Variants in CYP26B1 observed in about 807,000 individuals in gnomAD.
CYP26B1 encodes cytochrome P450 26B1.
CYP26B1 carries 8 observed loss-of-function variants against 39.1 expected under a neutral mutation model. The observed-to-expected ratio is 0.20, with a 90% CI of 0.12 to 0.37. The LOEUF (loss-of-function observed/expected upper bound fraction) is 0.37, where lower values mean the gene tolerates loss of function less well. Ranked by LOEUF, CYP26B1 falls within the 10% of genes least tolerant of loss-of-function variation. The pLI is 1.00. For missense variants in CYP26B1, 615 were observed against 707.0 expected (o/e 0.87, Z 1.48); for synonymous variants, 321 against 314.3 (o/e 1.02, Z -0.23).
rs143775993 is a variant in CYP26B1 at position 72,135,321 on chromosome 2, G to A, written c.528C>T (p.Pro176=). The A allele has an allele frequency of 2.9e-5, 46 of 1,613,904 alleles. 1 individual carries two copies. The highest frequency in any genetic ancestry group is 4.5e-5 in the East Asian group (2 of 44,898). Residue 176 remains proline, a synonymous_variant, in exon 3 of 6, where the codon CCC becomes CCT. Coordinates refer to ENST00000001146, the MANE Select transcript of CYP26B1 (RefSeq NM_019885.4). The part of the protein sequence containing the change: ...QDTLRAWSSH[P]EAINVYQEAQ... Reference sequence around the variant, plus strand: ...CCTCCTGGTACACGTTGATGGCCTCGGGGTGGCTGCTCCAGGCGCGCAGTG... The same window carrying A: ...CCTCCTGGTACACGTTGATGGCCTCAGGGTGGCTGCTCCAGGCGCGCAGTG...
chr2:72,129,400 T>C lies in CYP26B1; in HGVS notation c.*2827A>G, dbSNP rs1211097440. 6.6e-6 allele frequency: 1 copy of C among 150,454 alleles called. No homozygotes were observed. 9.3% of individuals were successfully genotyped at this position (150,454 alleles called of 1,614,324 possible). A position where few individuals can be genotyped will look rare whatever the true frequency, so the allele number is the denominator to read the frequency against. On this transcript the variant is annotated 3_prime_UTR_variant, in exon 6 of 6. Coordinates refer to ENST00000001146, the MANE Select transcript of CYP26B1 (RefSeq NM_019885.4). ...ACACTCACACGGTACCAGTTTCATA[T>C]CAAAACAAAACACACAAGTGCTTTT...
At chr2:72,137,373 G>T (rs1676807634) in intron 2 of CYP26B1, among the ~76,000 whole-genome samples, 1 of 152,228 alleles carries the variant, frequency 6.6e-6, no homozygotes, top group African/African-American at 2.4e-5. Context: ...CAGTGAGGTG[G>T]AACCAGATGG....
At position 72,131,064 on chromosome 2, in the gene CYP26B1, A is replaced by C. The variant is rs917799726; in HGVS notation, c.*1163T>G. Reference sequence around the variant, plus strand: ...GAGGCCCTTGCTCCCCGTCAGAAGAACCCGTATCCTTCCCCATACTCACGC... The same window carrying C: ...GAGGCCCTTGCTCCCCGTCAGAAGACCCCGTATCCTTCCCCATACTCACGC... On this transcript the variant is annotated 3_prime_UTR_variant, in exon 6 of 6. Coordinates refer to ENST00000001146, the MANE Select transcript of CYP26B1 (RefSeq NM_019885.4). The C allele has an allele frequency of 6.6e-6, 1 of 152,550 alleles. No individual in the cohort carries two copies. The highest frequency in any genetic ancestry group is 2.4e-5 in the African/African-American group (1 of 41,428). The allele number at this position is 152,550 out of a possible 1,614,324, so 9.4% of individuals were successfully genotyped here. A position where few individuals can be genotyped will look rare whatever the true frequency, so the allele number is the denominator to read the frequency against.
At chr2:72,132,703 G>T in intron 5 of CYP26B1, 84 bp from the exon 6 acceptor site, 1 of 1,518,842 alleles carries the variant, frequency 6.6e-7, no homozygotes, top group Non-Finnish European at 8.8e-7. Context: ...TCCCTGCTCA[G>T]CCCCAGATGT....
Position 72,135,358 on chromosome 2 carries a change from A to T in CYP26B1, c.491T>A (p.Val164Glu). 1 of 1,613,824 alleles carries T rather than the reference A, an allele frequency of 6.2e-7. No individual in the cohort carries two copies. The part of the protein sequence containing the change: ...LESYLPKIQL[V>E]IQDTLRAWSS... Reference sequence around the variant, plus strand: ...CCAGGCGCGCAGTGTGTCCTGGATCACCAGCTGGATCTTGGGCAGGTAACT... The same window carrying T: ...CCAGGCGCGCAGTGTGTCCTGGATCTCCAGCTGGATCTTGGGCAGGTAACT... The change falls in exon 3 of 6, where the codon GTG becomes GAG. Residue 164 changes from valine (V) to glutamate (E), a missense_variant. Transcript: ENST00000001146.
At chr2:72,140,208 C>T (rs1212302278) in intron 2 of CYP26B1, among the ~76,000 whole-genome samples, 3 of 152,202 alleles carry the variant, frequency 2.0e-5, no homozygotes, top group Non-Finnish European at 4.4e-5. Context: ...GACGGAAGGG[C>T]TGGCCCCTGA....
intron 2 of CYP26B1, among the ~76,000 whole-genome samples, chr2:72,140,858 C>G (rs1408142708): frequency 1.3e-5 from 2 of 152,190 alleles, no homozygotes; most frequent in African/African-American, 4.8e-5. Context: ...GGCAAGACTA[C>G]CATTCCTGAG....
intron 1 of CYP26B1, among the ~76,000 whole-genome samples, chr2:72,144,818 A>G (rs1368082070): frequency 1.3e-5 from 2 of 152,092 alleles, no homozygotes; most frequent in Admixed American, 6.5e-5. Context: ...AATAACGGAG[A>G]CGGACTTTGG....
Position 72,129,666 on chromosome 2 carries a change from T to G in CYP26B1, c.*2561A>C, listed in dbSNP as rs1676496404. 6.6e-6 allele frequency: 1 copy of G among 152,490 alleles called. No individual in the cohort carries two copies. The highest frequency in any genetic ancestry group is 2.1e-4 in the South Asian group (1 of 4,816). The allele number at this position is 152,490 out of a possible 1,614,324, so 9.4% of individuals were successfully genotyped here. On this transcript the variant is annotated 3_prime_UTR_variant, in exon 6 of 6. Transcript: ENST00000001146. ...TAATATTATAGCCATCTGGGCAGGG[T>G]CACGGTGGTGCCCAGAACACAAACG...
rs1676612410 is a variant in CYP26B1 at position 72,132,383 on chromosome 2, G to A, written c.1383C>T (p.Thr461=). 5.0e-6 allele frequency: 8 copies of A among 1,610,984 alleles called. No individual in the cohort carries two copies. The highest frequency in any genetic ancestry group is 6.8e-6 in the Non-Finnish European group (8 of 1,177,996). ...LKVLAVELAS[T]SRFELATRTF... ...TCCGTGTGGCCAGCTCAAAGCGGCT[G>A]GTGCTAGCCAGCTCCACCGCCAGCA... Residue 461 remains threonine, a synonymous_variant, in exon 6 of 6, where the codon ACC becomes ACT. Transcript: ENST00000001146.
chr2:72,134,614 T>A, intron 4 of CYP26B1, 147 bp downstream of exon 4: 2 of 1,322,370 alleles, frequency 1.5e-6, no homozygotes, highest in Middle Eastern at 2.5e-4. Context: ...TCGCTTCCAG[T>A]TTCAAGGTCT....
chr2:72,143,915 TC>T, intron 2 of CYP26B1, 73 bp downstream of exon 2: 1 of 1,550,296 alleles, frequency 6.5e-7, no homozygotes, highest in South Asian at 1.1e-5. Context: ...TAGGGGACAT[TC>T]CCCGGGCTCC....
rs1429101241 is a variant in CYP26B1 at position 72,131,417 on chromosome 2, C to T, written c.*810G>A. 1 of 152,250 alleles carries T rather than the reference C, an allele frequency of 6.6e-6. No homozygotes were observed. The highest frequency in any genetic ancestry group is 1.5e-5 in the Non-Finnish European group (1 of 68,062). The allele number at this position is 152,250 out of a possible 1,614,324, so 9.4% of individuals were successfully genotyped here. On this transcript the variant is annotated 3_prime_UTR_variant, in exon 6 of 6. Coordinates refer to ENST00000001146, the MANE Select transcript of CYP26B1 (RefSeq NM_019885.4). ...TAGGGCATGAAGGGGAGGAGATGTT[C>T]ACTCCAGACCCCAGCATCCCCAAGA...
intron 1 of CYP26B1, chr2:72,144,658 G>T: frequency 4.8e-6 from 1 of 207,406 alleles, no homozygotes; most frequent in Non-Finnish European, 8.4e-6. Context: ...GTAAGCGGTC[G>T]GTGCCCGGAG....
chr2:72,145,189 C>T (rs558756953), intron 1 of CYP26B1, among the ~76,000 whole-genome samples: 42 of 152,346 alleles, frequency 2.8e-4, no homozygotes, highest in African/African-American at 9.4e-4. Flanking sequence ...CAGATCTACC[C>T]GCTCCTGCAC....
In CYP26B1 at chr2:72,131,397, C is replaced by T. The variant is rs1329507251; in HGVS notation, c.*830G>A. 6.6e-6 allele frequency: 1 copy of T among 152,286 alleles called. No individual in the cohort carries two copies. The highest frequency in any genetic ancestry group is 1.5e-5 in the Non-Finnish European group (1 of 68,084). The allele number at this position is 152,286 out of a possible 1,614,324, so 9.4% of individuals were successfully genotyped here. A position where few individuals can be genotyped will look rare whatever the true frequency, so the allele number is the denominator to read the frequency against. ...AGGACAGCTAGAACACAGGCTAGGGCATGAAGGGGAGGAGATGTTCACTCC... is the reference window on the plus strand; with the variant it reads ...AGGACAGCTAGAACACAGGCTAGGGTATGAAGGGGAGGAGATGTTCACTCC... On this transcript the variant is annotated 3_prime_UTR_variant, in exon 6 of 6. Coordinates refer to ENST00000001146, the MANE Select transcript of CYP26B1 (RefSeq NM_019885.4).
At chr2:72,135,665 G>A (rs1300216645) in intron 2 of CYP26B1, among the ~76,000 whole-genome samples, 1 of 152,172 alleles carries the variant, frequency 6.6e-6, no homozygotes, top group South Asian at 2.1e-4. Flanking sequence ...AGCCCATTTC[G>A]GAATCCCGGG....
At chr2:72,144,522 C>T (rs1035084365) in intron 1 of CYP26B1, 2 of 1,117,742 alleles carry the variant, frequency 1.8e-6, no homozygotes, top group Non-Finnish European at 1.1e-6. Flanking sequence ...GAGTCTCCGC[C>T]CCCACCCCCA....
chr2:72,144,428 G>C, intron 1 of CYP26B1: 2 of 1,357,600 alleles, frequency 1.5e-6, no homozygotes, highest in Non-Finnish European at 1.9e-6. Flanking sequence ...GGAGGCGGAG[G>C]CCCAGGGGCA....
Sources: allele counts gnomAD v4.1 joint callset (sites outside exome capture counted in the v4.1 genomes callset), GRCh38; gene constraint gnomAD v4.1.1; transcripts MANE v1.5; gene names NCBI Gene and HGNC (gene_info 2026-07-23, HGNC 2026-07-21).